LCK: variants seen among roughly 807,000 people sequenced by gnomAD.
The protein encoded by LCK is LCK proto-oncogene, Src family tyrosine kinase, also known as tyrosine-protein kinase Lck.
In LCK, 14 loss-of-function variants were observed where a neutral mutation model predicts 64.6. The observed-to-expected ratio is 0.22, with a 90% confidence interval of 0.14 to 0.34. The LOEUF is 0.34. Among genes scored for constraint, LCK ranks in the 10% least tolerant of loss-of-function variants. LCK has a pLI of 1.00. For synonymous variants in LCK, 277 were observed against 263.6 expected (o/e 1.05, Z -0.49); for missense variants, 434 against 668.1 (o/e 0.65, Z 3.86).
rs768820203 is a variant in LCK at position 32,285,709 on chromosome 1, AGCCTTGAGAG to A, written c.*7_*16del. 9 of 1,597,812 alleles carry A rather than the reference AGCCTTGAGAG, an allele frequency of 5.6e-6. No individual in the cohort carries two copies. The highest frequency in any genetic ancestry group is 5.4e-5 in the African/African-American group (4 of 74,612). On this transcript the variant is annotated stop_retained_variant and 3_prime_UTR_variant, in exon 13 of 13. Coordinates refer to ENST00000336890, the MANE Select transcript of LCK (RefSeq NM_005356.5). ...GCCACAGAGGGCCAGTACCAGCCTCAGCCTTGAGAGGCCTTGAGAGGCCCTGGGGTTCTCC... is the reference window on the plus strand; with the variant it reads ...GCCACAGAGGGCCAGTACCAGCCTCAGCCTTGAGAGGCCCTGGGGTTCTCC...
At chr1:32,267,394 C>T (rs953718410) in intron 1 of LCK, among the ~76,000 whole-genome samples, 6 of 152,048 alleles carry the variant, frequency 3.9e-5, no homozygotes, top group African/African-American at 1.5e-4. Context: ...TCAGGAAACA[C>T]TCATGCTCTG....
intron 1 of LCK, chr1:32,269,228 G>A (rs1640012965): frequency 2.0e-5 from 3 of 152,018 alleles, no homozygotes; most frequent in African/African-American, 7.3e-5. Context: ...CTTGAGGTCA[G>A]GAGTTCAAGA....
In LCK at chr1:32,283,464, CA is replaced by C. The variant is rs756593959; in HGVS notation, c.1328-2048del. 1.3e-3 allele frequency among the ~76,000 whole-genome samples: 203 copies of C among 152,172 alleles called. 1 individual carries two copies. The highest frequency in any genetic ancestry group is 2.5e-3 in the Non-Finnish European group (170 of 68,018). ...TTTGGTCTTTGGGAACTGCTTGTCA[CA>C]ATCTTTGTTCAGAAGACTGAAGGAG... On this transcript the variant is annotated intron_variant, in intron 12 of 12. Transcript: ENST00000336890.
At chr1:32,266,647 C>CCCT in intron 1 of LCK, among the ~76,000 whole-genome samples, 1 of 126,250 alleles carries the variant, frequency 7.9e-6, no homozygotes, top group South Asian at 3.3e-4. Flanking sequence ...TCCTCCTCTT[C>CCCT]CTCCTCCCCC....
At position 32,281,835 on chromosome 1, in the gene LCK, C is replaced by T. The variant is rs1227334021; in HGVS notation, c.1327+1625C>T. Among the ~76,000 whole-genome samples, 5 of 151,956 alleles carry T rather than the reference C, an allele frequency of 3.3e-5. No homozygotes were observed. The South Asian group carries it at 6.3e-4, about 19-fold the overall frequency. The stretch of plus-strand genomic sequence containing the variant: ...ATACCAGCACTTTGGGAGGCCGAGG[C>T]GGGTGGATCACAAGGTCAGGTGTTC... On this transcript the variant is annotated intron_variant, in intron 12 of 12. Transcript: ENST00000336890.
At chr1:32,262,183 A>T (rs1454007514) in intron 1 of LCK, among the ~76,000 whole-genome samples, 2 of 138,948 alleles carry the variant, frequency 1.4e-5, no homozygotes, top group African/African-American at 5.3e-5. Context: ...GGCCCCCGGT[A>T]GCCGGACGCC....
chr1:32,275,806 GGGATGACCCGGAGTTGGGGGTGCT>G lies in LCK; in HGVS notation c.482-105_482-82del. The G allele has an allele frequency of 6.9e-7, 1 of 1,453,426 alleles. No homozygotes were observed. The highest frequency in any genetic ancestry group is 9.3e-7 in the Non-Finnish European group (1 of 1,071,746). The allele number at this position is 1,453,426 out of a possible 1,614,324, so 90.0% of individuals were successfully genotyped here. A position where few individuals can be genotyped will look rare whatever the true frequency, so the allele number is the denominator to read the frequency against. ...CGGGATGAGCCCGAGGTGGGGGCGCGGGATGACCCGGAGTTGGGGGTGCTGGGTGAGCCCAAGGTGGGGGCGCGG... is the reference window on the plus strand; with the variant it reads ...CGGGATGAGCCCGAGGTGGGGGCGCGGGGTGAGCCCAAGGTGGGGGCGCGG... On this transcript the variant is annotated intron_variant, in intron 6 of 12. Transcript: ENST00000336890. This position sits in a 1 kb window ranked among gnomAD's most constrained non-coding sequence, Gnocchi z 6.9.
At chr1:32,273,119 C>T (rs1469251214) in intron 1 of LCK, among the ~76,000 whole-genome samples, 6 of 78,366 alleles carry the variant, frequency 7.7e-5, no homozygotes, top group South Asian at 4.4e-4. Context: ...TGTGTGGGTA[C>T]GTGTGTGAGA....
chr1:32,278,800 G>A (rs145879590), intron 9 of LCK, among the ~76,000 whole-genome samples: 1 of 152,264 alleles, frequency 6.6e-6, no homozygotes, highest in Non-Finnish European at 1.5e-5. Context: ...GTGTAGGTGA[G>A]GTCTTTGTCT....
intron 12 of LCK, among the ~76,000 whole-genome samples, chr1:32,285,193 C>G (rs113904846): frequency 0.031 from 4,716 of 151,100 alleles, 243 homozygotes; most frequent in African/African-American, 0.11. Context: ...CCCAGCTACT[C>G]GAGAAGCTGA....
Position 32,276,730 on chromosome 1 carries a change from T to G in LCK, c.908T>G (p.Leu303Arg). The G allele has an allele frequency of 6.2e-7, 1 of 1,613,938 alleles. No individual in the cohort carries two copies. ...KQLQHQRLVR[L>R]YAVVTQEPIY... The stretch of plus-strand genomic sequence containing the variant: ...CTGCAACACCAGCGGCTGGTTCGGC[T>G]CTACGCTGTGGTCACCCAGGAGCCC... The change falls in exon 9 of 13, where the codon CTC (leucine) becomes CGC (arginine). Residue 303 changes from leucine to arginine, a missense_variant. Coordinates refer to ENST00000336890, the MANE Select transcript of LCK (RefSeq NM_005356.5). This position sits in a 1 kb window ranked among gnomAD's most constrained non-coding sequence, Gnocchi z 4.6.
intron 1 of LCK, among the ~76,000 whole-genome samples, chr1:32,272,619 G>GAGAAAGAGAGAGAGAGAC (rs1352462400): frequency 1.4e-5 from 2 of 145,238 alleles, no homozygotes; most frequent in Admixed American, 6.7e-5. Flanking sequence ...GAGAGAGAGA[G>GAGAAAGAGAGAGAGAGAC]AGAAAGAGAG....
At chr1:32,272,993 C>CGT (rs955071986) in intron 1 of LCK, among the ~76,000 whole-genome samples, 11 of 118,100 alleles carry the variant, frequency 9.3e-5, no homozygotes, top group African/African-American at 1.3e-4. Flanking sequence ...GGGGTGAATG[C>CGT]GTGTGTGTGT....
chr1:32,274,341 C>T lies in LCK; in HGVS notation c.12C>T (p.Gly4=). The change falls in exon 2 of 13, where the codon GGC becomes GGT. Residue 4 remains glycine (G), a synonymous_variant. Transcript: ENST00000336890. MGC[G]CSSHPEDDWM... is the part of the protein sequence containing the mutation. ...TTCCCTCAGGGACCATGGGCTGTGG[C>T]TGCAGCTCACACCCGGAAGATGACT... 1 of 1,614,122 alleles carries T rather than the reference C, an allele frequency of 6.2e-7. No homozygotes were observed. The highest frequency in any genetic ancestry group is 8.5e-7 in the Non-Finnish European group (1 of 1,179,992).
intron 2 of LCK, 34 bp downstream of exon 2, chr1:32,274,468 T>C: frequency 1.3e-6 from 2 of 1,558,682 alleles, no homozygotes; most frequent in Non-Finnish European, 1.8e-6. Context: ...GGTGAGGGAG[T>C]TGGGTAGAGA....
At position 32,251,286 on chromosome 1, in the gene LCK, G is replaced by C. The variant is rs1011909486; in HGVS notation, c.-91G>C. 42 of 152,668 alleles carry C rather than the reference G, an allele frequency of 2.8e-4. No individual in the cohort carries two copies. Among genetic ancestry groups the C allele is most frequent in the Non-Finnish European group, 4.2e-4 (29 of 68,262 alleles). 9.5% of individuals were successfully genotyped at this position (152,668 alleles called of 1,614,324 possible). Reference sequence around the variant, plus strand: ...CGGGGAGACAGGTGGTGGCTACGACGGCGAAGGGAGCTGAGACTGTCCAGG... The same window carrying C: ...CGGGGAGACAGGTGGTGGCTACGACCGCGAAGGGAGCTGAGACTGTCCAGG... On this transcript the variant is annotated 5_prime_UTR_variant, in exon 1 of 13. Transcript: ENST00000336890. The surrounding 1 kb of genome is among the most constrained non-coding windows in gnomAD (Gnocchi z 4.0).
At chr1:32,279,616 C>T (rs757178797) in intron 9 of LCK, 55 bp from the exon 10 acceptor site, 1 of 1,613,692 alleles carries the variant, frequency 6.2e-7, no homozygotes, top group South Asian at 1.1e-5. Flanking sequence ...GGAGAAAGGT[C>T]TGGGGGCCTC....
intron 1 of LCK, among the ~76,000 whole-genome samples, chr1:32,261,096 G>T (rs1639756259): frequency 6.6e-6 from 1 of 151,032 alleles, no homozygotes; most frequent in Non-Finnish European, 1.5e-5. Context: ...TTGAGACAGG[G>T]TCCCCTGTCG....
At chr1:32,274,169 C>T (rs1640184361) in intron 1 of LCK, 156 bp from the exon 2 acceptor site, 3 of 1,460,230 alleles carry the variant, frequency 2.1e-6, no homozygotes, top group Non-Finnish European at 2.7e-6. Context: ...AGCTGGGACC[C>T]CCTATTTTAG....
Sources: allele counts gnomAD v4.1 joint callset (sites outside exome capture counted in the v4.1 genomes callset), GRCh38; gene constraint gnomAD v4.1.1; non-coding constraint Gnocchi (gnomAD v3.1); transcripts MANE v1.5; gene names NCBI Gene and HGNC (gene_info 2026-07-23, HGNC 2026-07-21).